ATP8A1: variants seen among roughly 807,000 people sequenced by gnomAD.
The protein encoded by ATP8A1 is phospholipid-transporting ATPase IA.
Under a neutral mutation model 177.7 loss-of-function variants are expected in ATP8A1, and 90 were observed. That is an observed-to-expected ratio of 0.51 (90% CI 0.43 to 0.60). The LOEUF is 0.60. ATP8A1 is among the 20% of genes least tolerant of loss of function. The pLI, the probability that ATP8A1 is intolerant of heterozygous loss-of-function variation, is 0.00. For missense variants in ATP8A1, 1,072 were observed against 1,392.8 expected (o/e 0.77, Z 3.67); for synonymous variants, 493 against 485.9 (o/e 1.01, Z -0.19).
At chr4:42,480,661 C>T (rs1578019820) in intron 25 of ATP8A1, among the ~76,000 whole-genome samples, 1 of 152,196 alleles carries the variant, frequency 6.6e-6, no homozygotes, top group East Asian at 1.9e-4. Context: ...TTAATGCACT[C>T]ATGCTATGAC....
Position 42,524,806 on chromosome 4 carries a change from G to A in ATP8A1, c.1764C>T (p.Tyr588=), listed in dbSNP as rs1488434113. ...CTAAATGTTTTAGGGTAATTTCTTT[G>A]TATTTTGACGTCTCTGCCAGTCGAT... ...IYDRLAETSK[Y]KEITLKHLEQ... The change falls in exon 21 of 37, where the codon TAC becomes TAT. Residue 588 remains tyrosine (Y), a synonymous_variant. Coordinates refer to ENST00000381668, the MANE Select transcript of ATP8A1 (RefSeq NM_006095.2). 1.9e-6 allele frequency: 3 copies of A among 1,610,104 alleles called. No individual in the cohort carries two copies. The East Asian group carries it at 6.7e-5, about 36-fold the overall frequency.
rs1450367898 is a variant in ATP8A1 at position 42,657,104 on chromosome 4, T to C, written c.-231A>G. ...GGCGCCCGCAGAGCTGGGCGAGCTC[T>C]TGCTGCAGCCGCGGAGGGGCGGCTC... On this transcript the variant is annotated 5_prime_UTR_variant, in exon 1 of 37. Transcript: ENST00000381668. 14 of 369,340 alleles carry C rather than the reference T, an allele frequency of 3.8e-5. No individual in the cohort carries two copies. The highest frequency in any genetic ancestry group is 3.2e-5 in the Non-Finnish European group (7 of 215,588). 22.9% of individuals were successfully genotyped at this position (369,340 alleles called of 1,614,324 possible).
intron 5 of ATP8A1, among the ~76,000 whole-genome samples, chr4:42,613,827 A>C (rs1292346133): frequency 1.3e-5 from 2 of 151,438 alleles, no homozygotes; most frequent in African/African-American, 2.4e-5. Flanking sequence ...CTGGCGATCC[A>C]TCCGCCTCAG....
chr4:42,461,070 T>C (rs1290502510), intron 27 of ATP8A1, among the ~76,000 whole-genome samples: 5 of 152,274 alleles, frequency 3.3e-5, no homozygotes, highest in African/African-American at 4.8e-5. Context: ...AACACTTAAA[T>C]GTGATTAGTC....
intron 25 of ATP8A1, among the ~76,000 whole-genome samples, chr4:42,474,080 C>A (rs75621538): frequency 0.042 from 6,346 of 152,258 alleles, 172 homozygotes; most frequent in Admixed American, 0.06. Flanking sequence ...GAAGGTGGAA[C>A]AATTGGTCGC....
intron 16 of ATP8A1, among the ~76,000 whole-genome samples, chr4:42,553,333 G>C (rs1202353153): frequency 2.0e-5 from 3 of 152,136 alleles, no homozygotes; most frequent in Non-Finnish European, 4.4e-5. Context: ...GTTATACTTT[G>C]CGTTGGGGTG....
chr4:42,457,171 C>T (rs567377980), intron 27 of ATP8A1, among the ~76,000 whole-genome samples: 61 of 152,106 alleles, frequency 4.0e-4, no homozygotes, highest in African/African-American at 1.4e-3. Flanking sequence ...GATAATTTGC[C>T]CTAAACAAAC....
chr4:42,606,815 T>C (rs190908625), intron 5 of ATP8A1, among the ~76,000 whole-genome samples: 46 of 152,294 alleles, frequency 3.0e-4, no homozygotes, highest in African/African-American at 9.6e-4. Context: ...CAGAGAACAT[T>C]GCTGACTCCG....
intron 1 of ATP8A1, among the ~76,000 whole-genome samples, chr4:42,655,782 C>G (rs867177035): frequency 5.2e-4 from 79 of 152,154 alleles, no homozygotes; most frequent in Middle Eastern, 3.2e-3. Context: ...TGGCCTGTCT[C>G]CATCCCTGAA....
At chr4:42,582,802 A>AT (rs1733233274) in intron 9 of ATP8A1, among the ~76,000 whole-genome samples, 1 of 151,986 alleles carries the variant, frequency 6.6e-6, no homozygotes, top group South Asian at 2.1e-4. Flanking sequence ...ATTTTTGTGG[A>AT]TTTTTCACAA....
intron 20 of ATP8A1, among the ~76,000 whole-genome samples, chr4:42,541,729 C>T (rs1381075972): frequency 6.6e-6 from 1 of 152,006 alleles, no homozygotes; most frequent in African/African-American, 2.4e-5. Flanking sequence ...CATGGAGGAA[C>T]CTTAAATGAA....
At chr4:42,526,014 T>A (rs1726635901) in intron 20 of ATP8A1, among the ~76,000 whole-genome samples, 1 of 152,182 alleles carries the variant, frequency 6.6e-6, no homozygotes, top group Admixed American at 6.5e-5. Context: ...AAATTCTTCT[T>A]TTAAGAAGAA....
intron 1 of ATP8A1, among the ~76,000 whole-genome samples, chr4:42,628,928 G>A (rs1560537323): frequency 6.6e-6 from 1 of 152,168 alleles, no homozygotes; most frequent in South Asian, 2.1e-4. Context: ...TATGTAATGG[G>A]ACTTTTGAGG....
At chr4:42,438,490 G>T (rs986118011) in intron 33 of ATP8A1, among the ~76,000 whole-genome samples, 1 of 152,090 alleles carries the variant, frequency 6.6e-6, no homozygotes, top group African/African-American at 2.4e-5. Context: ...TTAAGAAGAG[G>T]CAAGAGGCTA....
intron 5 of ATP8A1, among the ~76,000 whole-genome samples, chr4:42,601,033 C>CTTT (rs36117571): frequency 0.029 from 2,916 of 102,194 alleles, 261 homozygotes; most frequent in African/African-American, 0.091. Flanking sequence ...CCCAAATTTT[C>CTTT]TTTTTTTTTT....
At position 42,624,525 on chromosome 4, in the gene ATP8A1, A is replaced by G. The variant is rs1324696124; in HGVS notation, c.363+11T>C. The G allele has an allele frequency of 2.2e-6, 3 of 1,360,632 alleles. No individual in the cohort carries two copies. The highest frequency in any genetic ancestry group is 2.5e-5 in the East Asian group (1 of 39,664). 84.3% of individuals were successfully genotyped at this position (1,360,632 alleles called of 1,614,324 possible). A position where few individuals can be genotyped will look rare whatever the true frequency, so the allele number is the denominator to read the frequency against. On this transcript the variant is annotated intron_variant, in intron 4 of 36. Coordinates refer to ENST00000381668, the MANE Select transcript of ATP8A1 (RefSeq NM_006095.2). The stretch of plus-strand genomic sequence containing the variant: ...AAGTCACATACAATTATGAAAAAAT[A>G]GAATACTTACAATATCTTCTATTAT...
intron 29 of ATP8A1, 67 bp downstream of exon 29, chr4:42,455,230 C>G (rs1470114532): frequency 6.3e-7 from 1 of 1,585,476 alleles, no homozygotes; most frequent in Non-Finnish European, 8.6e-7. Context: ...AAACCACATA[C>G]CCCATATAAT....
intron 10 of ATP8A1, among the ~76,000 whole-genome samples, chr4:42,581,354 T>C (rs191183359): frequency 1.6e-4 from 25 of 152,254 alleles, no homozygotes; most frequent in East Asian, 3.9e-4. Context: ...AGCATGATCT[T>C]GATCTCCTGA....
In ATP8A1 at chr4:42,413,059, A is replaced by G. The variant is rs191567705; in HGVS notation, c.3398-46T>C. On this transcript the variant is annotated intron_variant, in intron 36 of 36. Coordinates refer to ENST00000381668, the MANE Select transcript of ATP8A1 (RefSeq NM_006095.2). ...AGAAATTCTCACAAAGGCACTGGAA[A>G]CCACCGTTATTCTGACTTTTGGGTA... 622 of 1,513,092 alleles carry G rather than the reference A, an allele frequency of 4.1e-4. 1 individual carries two copies. The East Asian group carries it at 0.01, about 25-fold the overall frequency. The allele number at this position is 1,513,092 out of a possible 1,614,324, so 93.7% of individuals were successfully genotyped here.
Sources: allele counts gnomAD v4.1 joint callset (sites outside exome capture counted in the v4.1 genomes callset), GRCh38; gene constraint gnomAD v4.1.1; transcripts MANE v1.5; gene names NCBI Gene and HGNC (gene_info 2026-07-23, HGNC 2026-07-21).